MRAS: variants seen among roughly 807,000 people sequenced by gnomAD.
MRAS encodes the protein muscle RAS oncogene homolog.
A neutral mutation model predicts 20.9 loss-of-function variants in MRAS; 4 were observed. That is an observed-to-expected ratio of 0.19 (90% CI 0.09 to 0.44). MRAS has a LOEUF of 0.44. Among genes scored for constraint, MRAS ranks in the 20% least tolerant of loss-of-function variants. MRAS has a pLI of 0.99. For missense variants in MRAS, 154 were observed against 277.5 expected, an observed-to-expected ratio of 0.56 and a Z score of 3.16; for synonymous variants, 98 against 102.9, an observed-to-expected ratio of 0.95 and a Z score of 0.29.
intron 1 of MRAS, among the ~76,000 whole-genome samples, chr3:138,371,477 G>A (rs566360501): frequency 5.3e-5 from 8 of 152,266 alleles, no homozygotes; most frequent in East Asian, 1.9e-4. Flanking sequence ...AAGTAGCGGC[G>A]GAGCACACAG....
rs1258760075 is a variant in MRAS, at chr3:138,404,942, C to T, written c.*2673C>T. Reference sequence around the variant, plus strand: ...CTCACATCCCCTGGAGCACAGCCTTCCTGAAATGCCCTCACCCCATGCCTT... The same window carrying T: ...CTCACATCCCCTGGAGCACAGCCTTTCTGAAATGCCCTCACCCCATGCCTT... On this transcript the variant is annotated 3_prime_UTR_variant, in exon 6 of 6. Transcript: ENST00000423968. 1 of 152,240 alleles carries T rather than the reference C, an allele frequency of 6.6e-6. No homozygotes were observed. The highest frequency in any genetic ancestry group is 1.5e-5 in the Non-Finnish European group (1 of 68,066). 9.4% of individuals were successfully genotyped at this position (152,240 alleles called of 1,614,324 possible).
intron 2 of MRAS, among the ~76,000 whole-genome samples, chr3:138,383,637 G>T (rs535209547): frequency 2.0e-5 from 3 of 152,138 alleles, no homozygotes; most frequent in African/African-American, 7.2e-5. Flanking sequence ...ATACCTCTCC[G>T]CCCAGAGTTG....
At chr3:138,351,933 C>T (rs1356491331) in intron 1 of MRAS, among the ~76,000 whole-genome samples, 2 of 152,226 alleles carry the variant, frequency 1.3e-5, no homozygotes, top group Admixed American at 1.3e-4. Context: ...GTTTAGCCAT[C>T]TCTGATCTAA....
rs1398964612 is a variant in MRAS, at chr3:138,363,825, C to CG, written c.-18-9041_-18-9040insG. 1.3e-4 allele frequency among the ~76,000 whole-genome samples: 13 copies of CG among 102,890 alleles called. 1 individual carries two copies. Among genetic ancestry groups the CG allele is most frequent in the East Asian group, 8.9e-4 (3 of 3,362 alleles). 67.5% of individuals were successfully genotyped at this position (102,890 alleles called of 152,430 possible). On this transcript the variant is annotated intron_variant, in intron 1 of 5. Coordinates refer to ENST00000423968, the MANE Select transcript of MRAS (RefSeq NM_001085049.3). ...GTGACCTGTTAGAGGATTTACCCCCCCCCCCCCCCAAACCACAGGGTACCC... is the reference window on the plus strand; with the variant it reads ...GTGACCTGTTAGAGGATTTACCCCCCGCCCCCCCCCAAACCACAGGGTACCC...
chr3:138,357,164 A>G (rs1374817111), intron 1 of MRAS, among the ~76,000 whole-genome samples: 1 of 152,226 alleles, frequency 6.6e-6, no homozygotes, highest in African/African-American at 2.4e-5. Context: ...GGGTGGGTAA[A>G]TAGGAAAGAC....
chr3:138,397,536 G>A (rs201836956), intron 3 of MRAS, 59 bp downstream of exon 3: 12 of 1,544,624 alleles, frequency 7.8e-6, no homozygotes, highest in African/African-American at 5.5e-5. Context: ...CTCCTAGGGC[G>A]CTCTCTCTCT....
chr3:138,355,971 C>T (rs2054323064), intron 1 of MRAS, among the ~76,000 whole-genome samples: 1 of 152,158 alleles, frequency 6.6e-6, no homozygotes, highest in Admixed American at 6.5e-5. Context: ...CCTTTTCCCT[C>T]ATTCTGATGG....
At chr3:138,351,843 G>A (rs994245264) in intron 1 of MRAS, among the ~76,000 whole-genome samples, 1 of 152,170 alleles carries the variant, frequency 6.6e-6, no homozygotes, top group Admixed American at 6.5e-5. Context: ...TTGATGAGAA[G>A]CCCAGGGAAC....
At chr3:138,360,631 G>T (rs969221016) in intron 1 of MRAS, among the ~76,000 whole-genome samples, 6 of 152,198 alleles carry the variant, frequency 3.9e-5, no homozygotes, top group African/African-American at 1.4e-4. Context: ...TCCTTCGTGA[G>T]GCCTGCCACT....
chr3:138,350,779 C>T (rs895172262), intron 1 of MRAS, among the ~76,000 whole-genome samples: 14 of 151,922 alleles, frequency 9.2e-5, no homozygotes, highest in Non-Finnish European at 1.8e-4. Context: ...TGGTGAAACT[C>T]CGTCTCTACA....
intron 2 of MRAS, among the ~76,000 whole-genome samples, chr3:138,378,777 T>C (rs911788462): frequency 3.9e-5 from 6 of 152,206 alleles, no homozygotes; most frequent in African/African-American, 1.4e-4. Flanking sequence ...AAGTGCATAG[T>C]GCATTCACTT....
Position 138,381,936 on chromosome 3 carries a change from C to T in MRAS, c.193+8860C>T, listed in dbSNP as rs1434751304. On this transcript the variant is annotated intron_variant, in intron 2 of 5. Coordinates refer to ENST00000423968, the MANE Select transcript of MRAS (RefSeq NM_001085049.3). The stretch of plus-strand genomic sequence containing the variant: ...GGAACGTTTACTGAGTTTTTTTTTC[C>T]TGAACCAGGGGCTTTACCAGGGGGC... 2.6e-5 allele frequency among the ~76,000 whole-genome samples: 4 copies of T among 152,066 alleles called. No homozygotes were observed. In the East Asian group the frequency reaches 7.7e-4, roughly 29 times the overall value.
chr3:138,388,681 G>A (rs1206823803), intron 2 of MRAS, among the ~76,000 whole-genome samples: 1 of 151,906 alleles, frequency 6.6e-6, no homozygotes, highest in Admixed American at 6.5e-5. Context: ...CCTGGGTGAC[G>A]GAGTGAGACT....
chr3:138,376,000 C>T (rs1284357433), intron 2 of MRAS, among the ~76,000 whole-genome samples: 1 of 152,032 alleles, frequency 6.6e-6, no homozygotes, highest in Non-Finnish European at 1.5e-5. Flanking sequence ...AAAAACAAAA[C>T]AAAACAAAAA....
At chr3:138,380,698 G>A (rs1349257891) in intron 2 of MRAS, among the ~76,000 whole-genome samples, 1 of 152,076 alleles carries the variant, frequency 6.6e-6, no homozygotes, top group East Asian at 1.9e-4. Flanking sequence ...CTTTTATGTG[G>A]CTGGCTTATT....
intron 2 of MRAS, among the ~76,000 whole-genome samples, chr3:138,382,978 C>T (rs1336029503): frequency 6.6e-6 from 1 of 152,212 alleles, no homozygotes; most frequent in East Asian, 1.9e-4. Context: ...CCTCTATCAG[C>T]CTGTGCTCCC....
chr3:138,399,190 T>TG (rs1361662940), intron 4 of MRAS, among the ~76,000 whole-genome samples: 1 of 152,116 alleles, frequency 6.6e-6, no homozygotes, highest in African/African-American at 2.4e-5. Flanking sequence ...CTTGAGCAAG[T>TG]GCGTCATTCT....
rs2055383471 is a variant in MRAS at position 138,402,582 on chromosome 3, A to G, written c.*313A>G. On this transcript the variant is annotated 3_prime_UTR_variant, in exon 6 of 6. Coordinates refer to ENST00000423968, the MANE Select transcript of MRAS (RefSeq NM_001085049.3). ...GGTGGGTGTGTTGTTTATTGTAACT[A>G]CATAGTGTTGGTTTGATGTGGAAGT... 6.3e-6 allele frequency: 2 copies of G among 318,822 alleles called. No individual in the cohort carries two copies. Among genetic ancestry groups the G allele is most frequent in the Non-Finnish European group, 1.2e-5 (2 of 173,288 alleles). The allele number at this position is 318,822 out of a possible 1,614,324, so 19.7% of individuals were successfully genotyped here. A position where few individuals can be genotyped will look rare whatever the true frequency, so the allele number is the denominator to read the frequency against.
upstream of MRAS, chr3:138,348,341 C>A (rs913747165): frequency 1.3e-5 from 2 of 152,270 alleles, no homozygotes; most frequent in African/African-American, 2.4e-5. Flanking sequence ...TGCTGGGCCG[C>A]GGGAGAGGCT....
Sources: allele counts gnomAD v4.1 joint callset (sites outside exome capture counted in the v4.1 genomes callset), GRCh38; gene constraint gnomAD v4.1.1; transcripts MANE v1.5; gene names NCBI Gene and HGNC (gene_info 2026-07-23, HGNC 2026-07-21).